CTDP1: variants seen among roughly 807,000 people sequenced by gnomAD.
CTDP1 encodes RNA polymerase II subunit A C-terminal domain phosphatase.
A neutral mutation model predicts 91.8 loss-of-function variants in CTDP1; 47 were observed. That is an observed-to-expected ratio of 0.51 (90% CI 0.41 to 0.65). CTDP1 has a LOEUF of 0.65. Ranked by LOEUF, CTDP1 falls within the 30% of genes least tolerant of loss-of-function variation. CTDP1 has a pLI of 0.00. For synonymous variants in CTDP1, 656 were observed against 598.5 expected (o/e 1.10, Z -1.40); for missense variants, 1,272 against 1,373.7 (o/e 0.93, Z 1.17).
chr18:79,688,238 A>G (rs2085547810), intron 1 of CTDP1, among the ~76,000 whole-genome samples: 1 of 152,366 alleles, frequency 6.6e-6, no homozygotes, highest in East Asian at 1.9e-4. Context: ...ACAGGAGACA[A>G]AACAACAACA....
At chr18:79,718,162 C>CA in intron 10 of CTDP1, 146 bp downstream of exon 10, 10 of 940,486 alleles carry the variant, frequency 1.1e-5, no homozygotes, top group Non-Finnish European at 1.5e-5. Flanking sequence ...CTTGTGGGAG[C>CA]GCCGCCCCCG....
At chr18:79,721,570 G>A (rs896271567) in intron 10 of CTDP1, among the ~76,000 whole-genome samples, 2 of 152,208 alleles carry the variant, frequency 1.3e-5, no homozygotes, top group Non-Finnish European at 2.9e-5. Flanking sequence ...AACAGCACCT[G>A]TTCTTTAGAC....
Position 79,744,833 on chromosome 18 carries a change from G to T in CTDP1, c.2747+8312G>T, listed in dbSNP as rs193296153. Among the ~76,000 whole-genome samples the T allele has an allele frequency of 2.6e-3, 403 of 152,282 alleles. 2 individuals carry two copies. The highest frequency in any genetic ancestry group is 9.2e-3 in the African/African-American group (384 of 41,564). On this transcript the variant is annotated intron_variant, in intron 12 of 12. Transcript: ENST00000613122. Reference sequence around the variant, plus strand: ...TCGTGGGAGGATGCTGCCCCTGGAGGGGCCACAGACCAGTCCTGAAGCTCT... The same window carrying T: ...TCGTGGGAGGATGCTGCCCCTGGAGTGGCCACAGACCAGTCCTGAAGCTCT...
At chr18:79,755,537 G>GC (rs1369798206), downstream of CTDP1, 1 of 152,698 alleles carries the variant, frequency 6.5e-6, no homozygotes, top group Admixed American at 6.5e-5. Context: ...GGAGTAATGT[G>GC]CCGGGGGGTG....
intron 1 of CTDP1, among the ~76,000 whole-genome samples, chr18:79,694,178 G>C (rs1215296815): frequency 6.6e-6 from 1 of 150,950 alleles, no homozygotes; most frequent in Non-Finnish European, 1.5e-5. Flanking sequence ...AGCACCTAGG[G>C]GCGGGTGCTG....
chr18:79,706,947 G>A lies in CTDP1; in HGVS notation c.772+2030G>A, dbSNP rs1259197308. Among the ~76,000 whole-genome samples, 11 of 152,230 alleles carry A rather than the reference G, an allele frequency of 7.2e-5. 1 individual carries two copies. The South Asian group carries it at 1.2e-3, about 17-fold the overall frequency. ...TCTCCTCCTGTCCCGTCTTCCATACGTTGATCTGGTGCCCGTGCAAGTGTT... is the reference window on the plus strand; with the variant it reads ...TCTCCTCCTGTCCCGTCTTCCATACATTGATCTGGTGCCCGTGCAAGTGTT... On this transcript the variant is annotated intron_variant, in intron 5 of 12. Coordinates refer to ENST00000613122, the MANE Select transcript of CTDP1 (RefSeq NM_004715.5).
chr18:79,711,737 A>G (rs2086087873), intron 6 of CTDP1, among the ~76,000 whole-genome samples: 1 of 152,198 alleles, frequency 6.6e-6, no homozygotes, highest in Non-Finnish European at 1.5e-5. Context: ...CCTTTCCATC[A>G]GCTCCAGAGC....
intron 5 of CTDP1, among the ~76,000 whole-genome samples, chr18:79,707,098 C>G (rs1438256227): frequency 1.3e-5 from 2 of 152,218 alleles, no homozygotes; most frequent in Non-Finnish European, 2.9e-5. Flanking sequence ...GCACACAAGC[C>G]CCAGTGAGGA....
intron 11 of CTDP1, among the ~76,000 whole-genome samples, chr18:79,732,035 C>T (rs867097059): frequency 3.3e-5 from 5 of 150,592 alleles, no homozygotes; most frequent in Non-Finnish European, 5.9e-5. Context: ...CAGGAGTGCT[C>T]CCAAAATCAC....
At chr18:79,724,820 A>G (rs1345450995) in intron 10 of CTDP1, among the ~76,000 whole-genome samples, 1 of 152,156 alleles carries the variant, frequency 6.6e-6, no homozygotes, top group East Asian at 1.9e-4. Flanking sequence ...GCGACACCTC[A>G]GCCCCAGATG....
upstream of CTDP1, chr18:79,677,509 C>G (rs1222893384): frequency 2.0e-5 from 3 of 152,274 alleles, no homozygotes; most frequent in Non-Finnish European, 4.4e-5. Flanking sequence ...CTGCCTGTGA[C>G]TGATTCAAGA....
chr18:79,725,686 G>T (rs1298429984), intron 10 of CTDP1, among the ~76,000 whole-genome samples: 1 of 151,918 alleles, frequency 6.6e-6, no homozygotes, highest in East Asian at 1.9e-4. Context: ...CTCACGGGAG[G>T]TTCCCTCGGG....
At chr18:79,714,450 T>C (rs1256488314) in intron 7 of CTDP1, 41 bp from the exon 8 acceptor site, 12 of 1,601,740 alleles carry the variant, frequency 7.5e-6, no homozygotes, top group Non-Finnish European at 1.0e-5. Context: ...TAATGTTTAA[T>C]GCTAAATTGC....
intron 11 of CTDP1, chr18:79,735,831 C>A (rs1190782782): frequency 3.5e-5 from 6 of 171,258 alleles, no homozygotes; most frequent in Non-Finnish European, 6.4e-5. Flanking sequence ...GAGTCGCCCT[C>A]TCTGCATGTT....
chr18:79,744,329 TA>T (rs568883626), intron 12 of CTDP1, among the ~76,000 whole-genome samples: 177 of 152,352 alleles, frequency 1.2e-3, no homozygotes, highest in Middle Eastern at 3.4e-3. Context: ...CTTTTTAAGT[TA>T]AGTGAGACCT....
intron 1 of CTDP1, among the ~76,000 whole-genome samples, chr18:79,693,759 C>G (rs1047665193): frequency 3.3e-5 from 5 of 152,184 alleles, no homozygotes; most frequent in Admixed American, 2.0e-4. Context: ...GCCCATCCTC[C>G]TCCCCAGGAA....
chr18:79,717,880 G>C lies in CTDP1; in HGVS notation c.2281G>C (p.Val761Leu). ...PPTALFHPMPVLPKAQPGPEV... is the reference protein window; with the variant it reads ...PPTALFHPMPLLPKAQPGPEV... ...CACCGCCTTGTTCCACCCGATGCCG[G>C]TTCTTCCCAAGGCCCAGCCTGGCCC... is the stretch of plus-strand genomic sequence containing the variant. Residue 761 changes from valine to leucine, a missense_variant, in exon 10 of 13, where the codon GTT becomes CTT. Val to Leu is a conservative substitution (Grantham distance 32, BLOSUM62 1). This residue lies in a region of CTDP1 where 881 missense variants were observed against 911.6 expected (regional missense o/e 0.97). Coordinates refer to ENST00000613122, the MANE Select transcript of CTDP1 (RefSeq NM_004715.5). 1 of 1,613,580 alleles carries C rather than the reference G, an allele frequency of 6.2e-7. No individual in the cohort carries two copies. Among genetic ancestry groups the C allele is most frequent in the Non-Finnish European group, 8.5e-7 (1 of 1,180,000 alleles).
At chr18:79,748,701 T>C (rs543606183) in intron 12 of CTDP1, among the ~76,000 whole-genome samples, 1 of 152,304 alleles carries the variant, frequency 6.6e-6, no homozygotes, top group African/African-American at 2.4e-5. Flanking sequence ...TCCCAGCGAA[T>C]GCCATGAGCG....
At chr18:79,716,401 A>ATC (rs2086209413) in intron 8 of CTDP1, among the ~76,000 whole-genome samples, 1 of 152,234 alleles carries the variant, frequency 6.6e-6, no homozygotes, top group African/African-American at 2.4e-5. Context: ...AAGCATTTGA[A>ATC]TCAAGGGTAA....
Sources: allele counts gnomAD v4.1 joint callset (sites outside exome capture counted in the v4.1 genomes callset), GRCh38; gene constraint gnomAD v4.1.1; regional missense constraint gnomAD v4.1.1; transcripts MANE v1.5; gene names NCBI Gene and HGNC (gene_info 2026-07-23, HGNC 2026-07-21).